ETV6: variants seen among roughly 807,000 people sequenced by gnomAD.
ETV6 encodes transcription factor ETV6.
A neutral mutation model predicts 51.1 loss-of-function variants in ETV6; 16 were observed. That is an observed-to-expected ratio of 0.31 (90% CI 0.21 to 0.48). The LOEUF (loss-of-function observed/expected upper bound fraction) is 0.48. Among genes scored for constraint, ETV6 ranks in the 20% least tolerant of loss-of-function variants. ETV6 has a pLI of 0.99. For synonymous variants in ETV6, 240 were observed against 224.1 expected (o/e 1.07, Z -0.64); for missense variants, 458 against 594.8 (o/e 0.77, Z 2.39).
intron 7 of ETV6, among the ~76,000 whole-genome samples, chr12:11,888,753 A>C (rs567327267): frequency 6.6e-6 from 1 of 152,272 alleles, no homozygotes; most frequent in East Asian, 1.9e-4. Context: ...CCCAGGCTAG[A>C]GTGCAGTGGT....
chr12:11,894,481 T>C lies in ETV6; in HGVS notation c.*3435T>C, dbSNP rs1411328176. 4.3e-6 allele frequency: 1 copy of C among 233,140 alleles called. No individual in the cohort carries two copies. Among genetic ancestry groups the C allele is most frequent in the Non-Finnish European group, 8.5e-6 (1 of 118,028 alleles). The allele number at this position is 233,140 out of a possible 1,614,324, so 14.4% of individuals were successfully genotyped here. A position where few individuals can be genotyped will look rare whatever the true frequency, so the allele number is the denominator to read the frequency against. On this transcript the variant is annotated 3_prime_UTR_variant, in exon 8 of 8. Transcript: ENST00000396373. ...GGCATCACCAATGTTCCAAATCCTT[T>C]AGGGAGATGAGGGTATCCCCACAGA...
Position 11,885,908 on chromosome 12 carries a change from C to T in ETV6, c.1153-18C>T, listed in dbSNP as rs1463628472. ...TGTCTTTGTGCTTTTTTTCTCCCTT[C>T]CTCCTTTGAACAAACAGAACAGAAC... On this transcript the variant is annotated intron_variant, in intron 6 of 7. Transcript: ENST00000396373. The T allele has an allele frequency of 1.3e-6, 2 of 1,584,994 alleles. No individual in the cohort carries two copies. The highest frequency in any genetic ancestry group is 3.4e-5 in the Admixed American group (2 of 58,714).
chr12:11,863,781 T>C (rs1020541849), intron 4 of ETV6, among the ~76,000 whole-genome samples: 1 of 152,234 alleles, frequency 6.6e-6, no homozygotes, highest in South Asian at 2.1e-4. Flanking sequence ...TGCTGCCAAC[T>C]TATAATAACA....
At chr12:11,853,343 C>G in intron 3 of ETV6, 84 bp from the exon 4 acceptor site, 2 of 1,538,506 alleles carry the variant, frequency 1.3e-6, no homozygotes, top group Non-Finnish European at 1.8e-6. Context: ...TGGCACCGTG[C>G]CAGGCACTTA....
intron 1 of ETV6, among the ~76,000 whole-genome samples, chr12:11,664,160 T>C (rs1254362960): frequency 6.6e-6 from 1 of 152,200 alleles, no homozygotes; most frequent in African/African-American, 2.4e-5. Context: ...CATCAGTCCG[T>C]GCCAGTTTCT....
At chr12:11,713,161 G>A (rs1865204052) in intron 1 of ETV6, among the ~76,000 whole-genome samples, 1 of 152,104 alleles carries the variant, frequency 6.6e-6, no homozygotes, top group African/African-American at 2.4e-5. Flanking sequence ...ATGGGCAAGT[G>A]AACATGCCTC....
intron 1 of ETV6, among the ~76,000 whole-genome samples, chr12:11,662,115 T>A (rs1864111047): frequency 1.3e-5 from 2 of 152,126 alleles, no homozygotes; most frequent in South Asian, 4.1e-4. Context: ...TCCCAACACT[T>A]TATCTTTTTG....
chr12:11,694,541 T>C (rs569140986), intron 1 of ETV6, among the ~76,000 whole-genome samples: 12 of 152,346 alleles, frequency 7.9e-5, no homozygotes, highest in African/African-American at 2.9e-4. Flanking sequence ...AAGATGATCA[T>C]ATACAGACAG....
Position 11,813,492 on chromosome 12 carries a change from G to A in ETV6, c.164-25648G>A, listed in dbSNP as rs75087444. Among the ~76,000 whole-genome samples the A allele has an allele frequency of 6.6e-5, 10 of 152,320 alleles. No homozygotes were observed. The South Asian group carries it at 8.3e-4, about 13-fold the overall frequency. ...GACTTCTTTTCAGCTCACAGCAGAC[G>A]CATAGACAACAGAGTAGATTTCATG... On this transcript the variant is annotated intron_variant, in intron 2 of 7. Coordinates refer to ENST00000396373, the MANE Select transcript of ETV6 (RefSeq NM_001987.5).
In ETV6 at chr12:11,869,393, G is replaced by A. The variant is rs910163668; in HGVS notation, c.464-31G>A. The stretch of plus-strand genomic sequence containing the variant: ...TTTCCTGTCCTGCCAACTCACTGGG[G>A]TCTGTGATTGTCTTTCCCTCTGCTC... On this transcript the variant is annotated intron_variant, in intron 4 of 7. Coordinates refer to ENST00000396373, the MANE Select transcript of ETV6 (RefSeq NM_001987.5). This position sits in a 1 kb window ranked among gnomAD's most constrained non-coding sequence, Gnocchi z 5.0. 21 of 1,575,030 alleles carry A rather than the reference G, an allele frequency of 1.3e-5. No homozygotes were observed. The highest frequency in any genetic ancestry group is 1.8e-5 in the Non-Finnish European group (21 of 1,158,990).
At chr12:11,836,836 T>G (rs1946323730) in intron 2 of ETV6, among the ~76,000 whole-genome samples, 1 of 152,206 alleles carries the variant, frequency 6.6e-6, no homozygotes, top group African/African-American at 2.4e-5. Flanking sequence ...TACTTTTTCC[T>G]GTTTCTGCCT....
chr12:11,804,777 T>G (rs1350926375), intron 2 of ETV6, among the ~76,000 whole-genome samples: 1 of 152,192 alleles, frequency 6.6e-6, no homozygotes, highest in Non-Finnish European at 1.5e-5. Context: ...AAAATGGCCA[T>G]TCTTGTGCAC....
chr12:11,799,966 A>G (rs748011419), intron 2 of ETV6, among the ~76,000 whole-genome samples: 3 of 152,106 alleles, frequency 2.0e-5, no homozygotes, highest in Admixed American at 1.3e-4. Flanking sequence ...AAGTGTTGCT[A>G]TGTTGCCCAG....
At chr12:11,686,603 C>CGGGAGGCG (rs1864633484) in intron 1 of ETV6, among the ~76,000 whole-genome samples, 1 of 152,318 alleles carries the variant, frequency 6.6e-6, no homozygotes, top group African/African-American at 2.4e-5. Context: ...TCTTGGCTCA[C>CGGGAGGCG]TGCAACCTCT....
intron 1 of ETV6, among the ~76,000 whole-genome samples, chr12:11,652,513 G>A (rs1276452054): frequency 6.6e-6 from 1 of 152,222 alleles, no homozygotes; most frequent in African/African-American, 2.4e-5. Context: ...ACGAATGTCA[G>A]AGGTTTTCAA....
chr12:11,890,341 G>A (rs1361275364), intron 7 of ETV6, among the ~76,000 whole-genome samples: 1 of 151,650 alleles, frequency 6.6e-6, no homozygotes, highest in Non-Finnish European at 1.5e-5. Flanking sequence ...TATATACATG[G>A]TCTGGACCAA....
chr12:11,807,295 T>C (rs1257459139), intron 2 of ETV6, among the ~76,000 whole-genome samples: 5 of 152,216 alleles, frequency 3.3e-5, no homozygotes, highest in Non-Finnish European at 7.3e-5. Flanking sequence ...CACTAAATAG[T>C]GGTGGATTTT....
chr12:11,750,541 C>G (rs1248496909), intron 1 of ETV6, among the ~76,000 whole-genome samples: 2 of 152,196 alleles, frequency 1.3e-5, no homozygotes, highest in East Asian at 1.9e-4. Context: ...ATTTGAAGAC[C>G]CTTTGGCTGC....
intron 5 of ETV6, among the ~76,000 whole-genome samples, chr12:11,876,212 TAAATA>T (rs975540270): frequency 1.3e-5 from 2 of 152,236 alleles, no homozygotes; most frequent in Non-Finnish European, 2.9e-5. Context: ...ATCATTAACA[TAAATA>T]AAATACTAAG....
Sources: gnomAD v4.1 joint callset for allele counts (sites outside exome capture counted in the v4.1 genomes callset) on GRCh38, gnomAD v4.1.1 for gene constraint, Gnocchi (gnomAD v3.1) non-coding constraint, MANE v1.5 for transcripts, NCBI Gene and HGNC (gene_info 2026-07-23, HGNC 2026-07-21) for gene names.